The following MAPK10 variants were observed in gnomAD, a reference collection of about 807,000 sequenced individuals.
The protein encoded by MAPK10 is JNK3 alpha protein kinase.
In MAPK10, 25 loss-of-function variants were observed where a neutral mutation model predicts 59.3. The observed-to-expected ratio is 0.42, with a 90% confidence interval of 0.31 to 0.59. MAPK10 has a LOEUF of 0.59. Ranked by LOEUF, MAPK10 falls within the 20% of genes least tolerant of loss-of-function variation. The pLI, the probability that MAPK10 is intolerant of heterozygous loss-of-function variation, is 0.15. For synonymous variants in MAPK10, 190 were observed against 200.5 expected (o/e 0.95, Z 0.44); for missense variants, 351 against 568.9 (o/e 0.62, Z 3.90).
chr4:86,580,853 G>A (rs1468425736), intron 1 of MAPK10, among the ~76,000 whole-genome samples: 1 of 152,114 alleles, frequency 6.6e-6, no homozygotes, highest in Non-Finnish European at 1.5e-5. Context: ...TGTAACACAT[G>A]ACAACTGTAC....
chr4:86,043,333 G>T (rs1012539781), intron 11 of MAPK10, among the ~76,000 whole-genome samples: 13 of 152,170 alleles, frequency 8.5e-5, no homozygotes, highest in Admixed American at 7.9e-4. Flanking sequence ...ACATGCAGGG[G>T]TGCAGAAAGG....
chr4:86,115,987 A>G (rs1007131908), intron 4 of MAPK10, among the ~76,000 whole-genome samples: 1 of 152,272 alleles, frequency 6.6e-6, no homozygotes, highest in African/African-American at 2.4e-5. Context: ...GTAACATACA[A>G]GGGCAACAGT....
chr4:86,219,052 C>T (rs763587005), intron 2 of MAPK10, among the ~76,000 whole-genome samples: 18 of 152,300 alleles, frequency 1.2e-4, no homozygotes, highest in Non-Finnish European at 2.4e-4. Context: ...TACATCTCTC[C>T]GACTTCCCCA....
intron 1 of MAPK10, among the ~76,000 whole-genome samples, chr4:86,417,533 AT>A (rs1746006101): frequency 6.6e-6 from 1 of 152,230 alleles, no homozygotes; most frequent in African/African-American, 2.4e-5. Context: ...GGTCTAGTTA[AT>A]TCAGCAGAAT....
At chr4:86,400,676 T>C (rs1743584472) in intron 1 of MAPK10, among the ~76,000 whole-genome samples, 1 of 152,164 alleles carries the variant, frequency 6.6e-6, no homozygotes, top group Non-Finnish European at 1.5e-5. Context: ...TTTATAATTC[T>C]ATAAGATGTT....
chr4:86,380,464 A>C (rs1201893399), intron 1 of MAPK10, among the ~76,000 whole-genome samples: 4 of 152,148 alleles, frequency 2.6e-5, no homozygotes, highest in Admixed American at 6.5e-5. Context: ...TGAATAGGTC[A>C]ATTATAGATA....
rs940253019 is a variant in MAPK10, at chr4:86,010,419, GATTT to G, written c.*6805_*6808del. 3.3e-5 allele frequency: 5 copies of G among 152,030 alleles called. No homozygotes were observed. Among genetic ancestry groups the G allele is most frequent in the African/African-American group, 4.8e-5 (2 of 41,408 alleles). The allele number at this position is 152,030 out of a possible 1,614,324, so 9.4% of individuals were successfully genotyped here. A position where few individuals can be genotyped will look rare whatever the true frequency, so the allele number is the denominator to read the frequency against. On this transcript the variant is annotated 3_prime_UTR_variant, in exon 14 of 14. Transcript: ENST00000641462. The stretch of plus-strand genomic sequence containing the variant: ...ATTTGCTTTAGTTTTTTTAAACAAA[GATTT>G]ATTAACTCTGAATTTTTTAGGTTAA...
intron 1 of MAPK10, among the ~76,000 whole-genome samples, chr4:86,484,428 T>C (rs1205028991): frequency 6.6e-6 from 1 of 152,190 alleles, no homozygotes; most frequent in East Asian, 1.9e-4. Context: ...TCTCTCCTAG[T>C]AGTTGTGGTT....
chr4:86,480,446 TGCACCCAGGTGATTA>T (rs1753516179), intron 1 of MAPK10, among the ~76,000 whole-genome samples: 1 of 152,180 alleles, frequency 6.6e-6, no homozygotes, highest in Non-Finnish European at 1.5e-5. Flanking sequence ...TCAGCCCACC[TGCACCCAGGTGATTA>T]AAAAGCTTTA....
chr4:86,135,369 TCCCTGAC>T (rs2061801181), intron 4 of MAPK10, among the ~76,000 whole-genome samples: 1 of 152,120 alleles, frequency 6.6e-6, no homozygotes, highest in African/African-American at 2.4e-5. Context: ...CTCAAGTGGG[TCCCTGAC>T]CCCTGACCCC....
intron 1 of MAPK10, among the ~76,000 whole-genome samples, chr4:86,391,618 T>A (rs758301753): frequency 6.6e-6 from 1 of 152,144 alleles, no homozygotes; most frequent in Non-Finnish European, 1.5e-5. Flanking sequence ...CTGGGGACAC[T>A]CAAGTGAAGG....
chr4:86,118,616 A>T (rs1161350729), intron 4 of MAPK10, among the ~76,000 whole-genome samples: 1 of 140,236 alleles, frequency 7.1e-6, no homozygotes, highest in Non-Finnish European at 1.6e-5. Flanking sequence ...ACACACACAC[A>T]TCTCTGAAGG....
intron 9 of MAPK10, among the ~76,000 whole-genome samples, chr4:86,074,493 GGT>G (rs531263548): frequency 1.4e-5 from 2 of 145,690 alleles, no homozygotes; most frequent in Admixed American, 1.4e-4. Context: ...TAGTCTCGAT[GGT>G]CTTTACATTT....
rs530231830 is a variant in MAPK10, at chr4:86,396,948, T to G, written c.-121-42304A>C. ...TAAAATTATTACAGTTTGAGTTAAG[T>G]GTACACACTACTAAAATTAATTTCA... On this transcript the variant is annotated intron_variant, in intron 1 of 13. Coordinates refer to the MAPK10 transcript ENST00000361569. Among the ~76,000 whole-genome samples, 9 of 152,350 alleles carry G rather than the reference T, an allele frequency of 5.9e-5. No individual in the cohort carries two copies. In the South Asian group the frequency reaches 1.9e-3, roughly 32 times the overall value.
intron 9 of MAPK10, among the ~76,000 whole-genome samples, chr4:86,096,126 A>G (rs945184926): frequency 1.3e-5 from 2 of 151,606 alleles, no homozygotes; most frequent in Non-Finnish European, 3.0e-5. Context: ...ATATATTTAT[A>G]TAATAAATGC....
intron 1 of MAPK10, among the ~76,000 whole-genome samples, chr4:86,410,047 A>G (rs1388993132): frequency 3.3e-5 from 5 of 152,212 alleles, no homozygotes; most frequent in Admixed American, 2.0e-4. Context: ...TTTGTCATAA[A>G]TAGCTCTTAT....
At chr4:86,132,292 T>C (rs1033267984) in intron 4 of MAPK10, among the ~76,000 whole-genome samples, 1 of 152,188 alleles carries the variant, frequency 6.6e-6, no homozygotes, top group Non-Finnish European at 1.5e-5. Flanking sequence ...TAGTTATTCC[T>C]CTAATGATTT....
intron 2 of MAPK10, among the ~76,000 whole-genome samples, chr4:86,346,055 G>T (rs1032649340): frequency 1.3e-5 from 2 of 152,170 alleles, no homozygotes; most frequent in Non-Finnish European, 2.9e-5. Flanking sequence ...ATGTGTTTTG[G>T]TTCCTTAAAT....
intron 2 of MAPK10, among the ~76,000 whole-genome samples, chr4:86,224,666 A>AT (rs1292463998): frequency 6.6e-6 from 1 of 152,232 alleles, no homozygotes; most frequent in Admixed American, 6.5e-5. Flanking sequence ...TATCAATGCT[A>AT]TTGATTTAAT....
Sources: allele counts gnomAD v4.1 joint callset (sites outside exome capture counted in the v4.1 genomes callset), GRCh38; gene constraint gnomAD v4.1.1; transcripts MANE v1.5; gene names NCBI Gene and HGNC (gene_info 2026-07-23, HGNC 2026-07-21).